The following SPMIP2 variants were observed in gnomAD, a reference collection of about 807,000 sequenced individuals.
SPMIP2 encodes the protein protein SPMIP2.
At chr4:158,937,480 T>C in the SPMIP2 span, 2 of 154,554 alleles carry the variant, frequency 1.3e-5, no homozygotes, top group East Asian at 3.9e-4. Flanking sequence ...TGGGTCATGC[T>C]TACTTGTTTT....
At chr4:159,042,875 C>T in the SPMIP2 span, among the ~76,000 whole-genome samples, 2 of 152,100 alleles carry the variant, frequency 1.3e-5, no homozygotes, top group Non-Finnish European at 2.9e-5. Flanking sequence ...GTTGCTCAGG[C>T]TGGTCTCCAA....
At chr4:158,968,797 A>G in the SPMIP2 span, among the ~76,000 whole-genome samples, 41,561 of 152,088 alleles carry the variant, frequency 0.27, 6,377 homozygotes, top group South Asian at 0.41. Flanking sequence ...TAATAAGCCA[A>G]TCTTATATCA....
chr4:159,059,527 C>T, the SPMIP2 span, among the ~76,000 whole-genome samples: 1 of 152,138 alleles, frequency 6.6e-6, no homozygotes, highest in Admixed American at 6.5e-5. Context: ...TGTGCACCAC[C>T]AAACTCAGAT....
At chr4:158,904,127 T>A in the SPMIP2 span, among the ~76,000 whole-genome samples, 152,135 of 152,336 alleles carry the variant, frequency 1, 75,968 homozygotes, top group East Asian at 1. Flanking sequence ...TAATGGAGAA[T>A]ACCTTAAAGT....
At chr4:159,081,507 T>G in the SPMIP2 span, among the ~76,000 whole-genome samples, 1 of 151,946 alleles carries the variant, frequency 6.6e-6, no homozygotes, top group African/African-American at 2.4e-5. Flanking sequence ...CTAGGCAGCA[T>G]TGGGAGACCC....
At chr4:158,981,369 C>G in the SPMIP2 span, among the ~76,000 whole-genome samples, 1 of 152,164 alleles carries the variant, frequency 6.6e-6, no homozygotes, top group Admixed American at 6.6e-5. Context: ...CATAAAGATA[C>G]TCCTTGAGAA....
chr4:159,015,569 A>G, the SPMIP2 span, among the ~76,000 whole-genome samples: 1 of 152,230 alleles, frequency 6.6e-6, no homozygotes, highest in Non-Finnish European at 1.5e-5. Context: ...CACATGTCAT[A>G]TAAAAGTTTC....
At chr4:158,946,817 C>G in the SPMIP2 span, among the ~76,000 whole-genome samples, 1 of 152,154 alleles carries the variant, frequency 6.6e-6, no homozygotes, top group African/African-American at 2.4e-5. Flanking sequence ...ATCCCATCTC[C>G]CCAATAGAAG....
chr4:158,975,085 G>A, the SPMIP2 span, among the ~76,000 whole-genome samples: 1 of 152,128 alleles, frequency 6.6e-6, no homozygotes, highest in Non-Finnish European at 1.5e-5. Flanking sequence ...TCATATGTTT[G>A]TTGGTCACAT....
the SPMIP2 span, among the ~76,000 whole-genome samples, chr4:159,035,976 A>G: frequency 6.6e-6 from 1 of 152,222 alleles, no homozygotes; most frequent in Non-Finnish European, 1.5e-5. Flanking sequence ...TTATGATAAA[A>G]GTATACTTAT....
At chr4:158,980,414 T>C in the SPMIP2 span, among the ~76,000 whole-genome samples, 1 of 152,184 alleles carries the variant, frequency 6.6e-6, no homozygotes, top group Non-Finnish European at 1.5e-5. Context: ...GACTGGGAGA[T>C]ACCTCCCAAC....
chr4:158,941,429 G>A, the SPMIP2 span, among the ~76,000 whole-genome samples: 1 of 152,178 alleles, frequency 6.6e-6, no homozygotes, highest in Non-Finnish European at 1.5e-5. Flanking sequence ...GGTTGAGGTA[G>A]GAGGATTGCT....
chr4:159,082,163 CAAAAAAA>C, the SPMIP2 span, among the ~76,000 whole-genome samples: 1 of 102,638 alleles, frequency 9.7e-6, no homozygotes, highest in Non-Finnish European at 2.0e-5. Context: ...GCTAAGAATG[CAAAAAAA>C]AAAAAAAAAA....
the SPMIP2 span, among the ~76,000 whole-genome samples, chr4:158,916,832 T>G: frequency 6.6e-6 from 1 of 152,148 alleles, no homozygotes; most frequent in African/African-American, 2.4e-5. Context: ...TTAGTAGAGA[T>G]AGGGTTTCAC....
the SPMIP2 span, among the ~76,000 whole-genome samples, chr4:159,022,109 G>A: frequency 6.6e-6 from 1 of 152,280 alleles, no homozygotes; most frequent in African/African-American, 2.4e-5. Flanking sequence ...ATGGAACTTT[G>A]AAAGAGTCTG....
At chr4:159,073,121 G>A in the SPMIP2 span, among the ~76,000 whole-genome samples, 1 of 152,014 alleles carries the variant, frequency 6.6e-6, no homozygotes, top group African/African-American at 2.4e-5. Context: ...GAAGCTGTTC[G>A]GTTTAGGAAG....
chr4:159,080,633 C>T, the SPMIP2 span, among the ~76,000 whole-genome samples: 6 of 152,160 alleles, frequency 3.9e-5, no homozygotes, highest in Non-Finnish European at 7.4e-5. Context: ...TGAGTGCCCC[C>T]CACCATCTAT....
At chr4:158,895,626 G>C in the SPMIP2 span, 2 of 631,290 alleles carry the variant, frequency 3.2e-6, no homozygotes, top group Non-Finnish European at 5.7e-6. Flanking sequence ...GATTTTTTAA[G>C]TGTATTTGAA....
the SPMIP2 span, among the ~76,000 whole-genome samples, chr4:159,021,709 TAGCTC>T: frequency 6.6e-6 from 1 of 152,338 alleles, no homozygotes; most frequent in Admixed American, 6.5e-5. Flanking sequence ...TATTTATTTT[TAGCTC>T]ACTTACAAGG....
Sources: gnomAD v4.1 joint callset for allele counts (sites outside exome capture counted in the v4.1 genomes callset) on GRCh38, gnomAD v4.1.1 for gene constraint, MANE v1.5 for transcripts, NCBI Gene and HGNC (gene_info 2026-07-23, HGNC 2026-07-21) for gene names.